The following FMNL2 variants were observed in gnomAD, a reference collection of about 807,000 sequenced individuals.
FMNL2 encodes the protein formin like 2.
A neutral mutation model predicts 130.2 loss-of-function variants in FMNL2; 51 were observed. That is an observed-to-expected ratio of 0.39 (90% CI 0.31 to 0.49). FMNL2 has a LOEUF of 0.49. Ranked by LOEUF, FMNL2 falls within the 20% of genes least tolerant of loss-of-function variation. The pLI, the probability that FMNL2 is intolerant of heterozygous loss-of-function variation, is 0.85. For missense variants in FMNL2, 977 were observed against 1,316.2 expected, an observed-to-expected ratio of 0.74 and a Z score of 3.99; for synonymous variants, 465 against 467.1, an observed-to-expected ratio of 1.00 and a Z score of 0.06.
intron 1 of FMNL2, among the ~76,000 whole-genome samples, chr2:152,445,016 G>A (rs1310760637): frequency 1.3e-5 from 2 of 152,244 alleles, no homozygotes; most frequent in Non-Finnish European, 2.9e-5. Context: ...GTATCTTGCT[G>A]TTGGCACTGT....
intron 1 of FMNL2, among the ~76,000 whole-genome samples, chr2:152,360,653 A>G (rs1035787066): frequency 2.6e-5 from 4 of 152,230 alleles, no homozygotes; most frequent in Non-Finnish European, 5.9e-5. Flanking sequence ...ATGGCCCAGT[A>G]TATATAAGTT....
chr2:152,352,590 T>C (rs1008536974), intron 1 of FMNL2, among the ~76,000 whole-genome samples: 1 of 152,182 alleles, frequency 6.6e-6, no homozygotes, highest in Non-Finnish European at 1.5e-5. Flanking sequence ...CATTTTGTTA[T>C]ATACCCAGAA....
chr2:152,578,982 T>C lies in FMNL2; in HGVS notation c.782+18T>C, dbSNP rs766223200. On this transcript the variant is annotated intron_variant, in intron 8 of 25. Coordinates refer to ENST00000288670, the MANE Select transcript of FMNL2 (RefSeq NM_052905.4). ...AATCCCAGGTAAGCTGCTTTTGTAGTACGCAAGTCTAAATCTATCTAGAGA... is the reference window on the plus strand; with the variant it reads ...AATCCCAGGTAAGCTGCTTTTGTAGCACGCAAGTCTAAATCTATCTAGAGA... 52 of 1,600,486 alleles carry C rather than the reference T, an allele frequency of 3.2e-5. No homozygotes were observed. Among genetic ancestry groups the C allele is most frequent in the Admixed American group, 1.0e-4 (6 of 59,494 alleles).
intron 23 of FMNL2, among the ~76,000 whole-genome samples, chr2:152,639,189 G>A (rs1682878052): frequency 1.3e-5 from 2 of 152,198 alleles, no homozygotes; most frequent in Non-Finnish European, 2.9e-5. Context: ...GGCAGAGGTT[G>A]GGGTTTTAGG....
chr2:152,601,674 T>A (rs1469513288), intron 9 of FMNL2, among the ~76,000 whole-genome samples: 1 of 145,654 alleles, frequency 6.9e-6, no homozygotes, highest in Non-Finnish European at 1.5e-5. Context: ...TTTCTTTCTT[T>A]TTTTTTTTTT....
intron 11 of FMNL2, 56 bp downstream of exon 11, chr2:152,611,661 C>A: frequency 8.8e-7 from 1 of 1,135,932 alleles, no homozygotes; most frequent in Non-Finnish European, 1.3e-6. Context: ...TTATTGCCTG[C>A]CCTCAAAGGT....
intron 1 of FMNL2, among the ~76,000 whole-genome samples, chr2:152,491,381 C>T (rs1691179863): frequency 6.6e-6 from 1 of 152,100 alleles, no homozygotes; most frequent in African/African-American, 2.4e-5. Context: ...AAACACTGTG[C>T]ATCAGCTGAA....
At position 152,640,020 on chromosome 2, in the gene FMNL2, A is replaced by G. The variant is rs1682946245; in HGVS notation, c.3009A>G (p.Leu1003=). The G allele has an allele frequency of 2.6e-6, 4 of 1,556,608 alleles. No homozygotes were observed. Among genetic ancestry groups the G allele is most frequent in the South Asian group, 2.4e-5 (2 of 84,184 alleles). ...KQEQALMEKL[L]EQEALMEQQD... The stretch of plus-strand genomic sequence containing the variant: ...AACAAGCTCTCATGGAAAAACTCCT[A>G]GAGCAAGAAGCTCTGATGGAGCAGC... Residue 1003 remains leucine (L), a synonymous_variant, in exon 24 of 26, where the codon CTA becomes CTG. Transcript: ENST00000288670.
intron 25 of FMNL2, among the ~76,000 whole-genome samples, chr2:152,644,610 T>C (rs779722477): frequency 6.6e-6 from 1 of 152,198 alleles, no homozygotes; most frequent in Non-Finnish European, 1.5e-5. Flanking sequence ...AGTAATTCCA[T>C]GTTGGAGCAA....
At chr2:152,494,660 G>A (rs1264872714) in intron 1 of FMNL2, among the ~76,000 whole-genome samples, 1 of 152,160 alleles carries the variant, frequency 6.6e-6, no homozygotes, top group Non-Finnish European at 1.5e-5. Flanking sequence ...AAAAATCATC[G>A]TGGTGAATTG....
intron 1 of FMNL2, among the ~76,000 whole-genome samples, chr2:152,412,244 G>A (rs1044333037): frequency 2.0e-5 from 3 of 151,612 alleles, no homozygotes; most frequent in African/African-American, 7.3e-5. Context: ...TTGCCCTTGT[G>A]TATTGTTTTT....
chr2:152,378,815 T>G (rs1684306006), intron 1 of FMNL2, among the ~76,000 whole-genome samples: 1 of 152,032 alleles, frequency 6.6e-6, no homozygotes, highest in African/African-American at 2.4e-5. Context: ...ATTAGCATCC[T>G]TTTTAATGAG....
At chr2:152,573,587 C>A (rs1397087027) in intron 6 of FMNL2, among the ~76,000 whole-genome samples, 1 of 152,140 alleles carries the variant, frequency 6.6e-6, no homozygotes, top group Non-Finnish European at 1.5e-5. Context: ...CATAGCTCTT[C>A]AGTGCTATGA....
intron 21 of FMNL2, among the ~76,000 whole-genome samples, chr2:152,636,030 G>C (rs1389579007): frequency 6.6e-6 from 1 of 152,116 alleles, no homozygotes; most frequent in Non-Finnish European, 1.5e-5. Context: ...TGCAGATAAG[G>C]ACCTCTGAGC....
At chr2:152,629,427 T>C (rs905990402) in intron 18 of FMNL2, among the ~76,000 whole-genome samples, 1 of 152,202 alleles carries the variant, frequency 6.6e-6, no homozygotes, top group African/African-American at 2.4e-5. Flanking sequence ...GTTCCTATGT[T>C]ACTTGCTATT....
At chr2:152,349,774 T>C (rs1317944226) in intron 1 of FMNL2, among the ~76,000 whole-genome samples, 1 of 151,122 alleles carries the variant, frequency 6.6e-6, no homozygotes, top group Non-Finnish European at 1.5e-5. Flanking sequence ...AGAAAATGTT[T>C]CCTTGGAATA....
At chr2:152,405,503 A>C (rs1319548362) in intron 1 of FMNL2, among the ~76,000 whole-genome samples, 3 of 152,142 alleles carry the variant, frequency 2.0e-5, no homozygotes, top group Admixed American at 2.0e-4. Flanking sequence ...GCTTCAACAC[A>C]GTTTTCCTTA....
At chr2:152,415,052 A>G (rs1041137243) in intron 1 of FMNL2, among the ~76,000 whole-genome samples, 3 of 152,118 alleles carry the variant, frequency 2.0e-5, no homozygotes, top group African/African-American at 4.8e-5. Context: ...CTTTCCACAG[A>G]TTCAGCTGTG....
intron 5 of FMNL2, among the ~76,000 whole-genome samples, chr2:152,560,536 A>G (rs1216184443): frequency 6.6e-6 from 1 of 152,238 alleles, no homozygotes; most frequent in Non-Finnish European, 1.5e-5. Context: ...TTAAAGCAAA[A>G]TGAAGACAGC....
Sources: allele counts gnomAD v4.1 joint callset (sites outside exome capture counted in the v4.1 genomes callset), GRCh38; gene constraint gnomAD v4.1.1; transcripts MANE v1.5; gene names NCBI Gene and HGNC (gene_info 2026-07-23, HGNC 2026-07-21).